WASHC4: variants seen among roughly 807,000 people sequenced by gnomAD.
The protein encoded by WASHC4 is WASH complex subunit 4.
In WASHC4, 86 loss-of-function variants were observed where a neutral mutation model predicts 166.6. The observed-to-expected ratio is 0.52, with a 90% CI of 0.43 to 0.62. The LOEUF is 0.62. Among genes scored for constraint, WASHC4 ranks in the 20% least tolerant of loss-of-function variants. WASHC4 has a pLI of 0.00. For missense variants in WASHC4, 1,262 were observed against 1,382.4 expected (o/e 0.91, Z 1.38); for synonymous variants, 446 against 451.6 (o/e 0.99, Z 0.16).
chr12:105,158,986 A>C (rs1336488155), intron 28 of WASHC4, among the ~76,000 whole-genome samples: 4 of 152,214 alleles, frequency 2.6e-5, no homozygotes, highest in African/African-American at 4.8e-5. Flanking sequence ...CATTTCTGTG[A>C]GAATAAGGCC....
chr12:105,115,746 T>G lies in WASHC4; in HGVS notation c.435+18T>G. On this transcript the variant is annotated intron_variant, in intron 6 of 32. Coordinates refer to ENST00000332180, the MANE Select transcript of WASHC4 (RefSeq NM_015275.3). ...TCTTACAGGTAACTGATTTTTACTT[T>G]CTACTGAGCTTTTACTTCAAAAAGT... 1 of 1,514,064 alleles carries G rather than the reference T, an allele frequency of 6.6e-7. No individual in the cohort carries two copies. The highest frequency in any genetic ancestry group is 9.2e-7 in the Non-Finnish European group (1 of 1,088,916). 93.8% of individuals were successfully genotyped at this position (1,514,064 alleles called of 1,614,324 possible). A position where few individuals can be genotyped will look rare whatever the true frequency, so the allele number is the denominator to read the frequency against.
At position 105,113,068 on chromosome 12, in the gene WASHC4, C is replaced by T. The variant is rs142770771; in HGVS notation, c.202-1148C>T. ...TCTTACTTTAAAAATCATCCCCCCC[C>T]AAATTTGTAATTGTCTCTTTTTGTT... On this transcript the variant is annotated intron_variant, in intron 2 of 32. Transcript: ENST00000332180. Among the ~76,000 whole-genome samples the T allele has an allele frequency of 1.1e-4, 17 of 152,184 alleles. No homozygotes were observed. In the East Asian group the frequency reaches 3.1e-3, roughly 28 times the overall value.
Position 105,126,362 on chromosome 12 carries a change from G to T in WASHC4, c.1038G>T (p.Lys346Asn). The change falls in exon 12 of 33, where the codon AAG (lysine) becomes AAT (asparagine). Residue 346 changes from lysine (K) to asparagine (N), a missense_variant and splice_region_variant. Lys to Asn is a moderately conservative substitution (Grantham distance 94). Coordinates refer to ENST00000332180, the MANE Select transcript of WASHC4 (RefSeq NM_015275.3). ...FYKSLLDICK[K>N]VPAITLTANI... Reference sequence around the variant, plus strand: ...AGTCTTTATTGGACATTTGTAAGAAGGTAAGAACTTGAAACTTATTTTTCA... The same window carrying T: ...AGTCTTTATTGGACATTTGTAAGAATGTAAGAACTTGAAACTTATTTTTCA... The T allele has an allele frequency of 6.4e-7, 1 of 1,568,104 alleles. No individual in the cohort carries two copies.
chr12:105,145,647 C>T (rs1883231480), intron 22 of WASHC4, among the ~76,000 whole-genome samples: 1 of 151,972 alleles, frequency 6.6e-6, no homozygotes, highest in Non-Finnish European at 1.5e-5. Flanking sequence ...TAAATAGTCC[C>T]AGCTCATGTA....
In WASHC4 at chr12:105,133,903, G is replaced by T; in HGVS notation, c.1326+7G>T. ...ATGTAATGTTTTTATACAGGTAGTT[G>T]CATCTTATTTCGGGGAATCATTTTT... is the stretch of plus-strand genomic sequence containing the variant. On this transcript the variant is annotated splice_region_variant and intron_variant, in intron 14 of 32. Coordinates refer to ENST00000332180, the MANE Select transcript of WASHC4 (RefSeq NM_015275.3). 1 of 1,609,924 alleles carries T rather than the reference G, an allele frequency of 6.2e-7. No individual in the cohort carries two copies. Among genetic ancestry groups the T allele is most frequent in the Non-Finnish European group, 8.5e-7 (1 of 1,177,630 alleles).
At position 105,141,268 on chromosome 12, in the gene WASHC4, T is replaced by C. The variant is rs759600782; in HGVS notation, c.1787+22T>C. ...AACGGTAAGTAGGACTGGGATATGC[T>C]GTGGTACTCCAAAGACAGGGTTAAT... is the stretch of plus-strand genomic sequence containing the variant. On this transcript the variant is annotated intron_variant, in intron 18 of 32. Transcript: ENST00000332180. The C allele has an allele frequency of 1.7e-5, 24 of 1,442,258 alleles. No homozygotes were observed. The Admixed American group carries it at 4.0e-4, about 24-fold the overall frequency. 89.3% of individuals were successfully genotyped at this position (1,442,258 alleles called of 1,614,324 possible).
At position 105,167,724 on chromosome 12, in the gene WASHC4, C is replaced by A. The variant is rs1414583777; in HGVS notation, c.*793C>A. 6.6e-6 allele frequency: 1 copy of A among 152,486 alleles called. No individual in the cohort carries two copies. Among genetic ancestry groups the A allele is most frequent in the Non-Finnish European group, 1.5e-5 (1 of 67,974 alleles). The allele number at this position is 152,486 out of a possible 1,614,324, so 9.4% of individuals were successfully genotyped here. Reference sequence around the variant, plus strand: ...AGAAAAAAAATTGAATGAATTATTTCTACATCCAAACTCAGGTTTCTTCTA... The same window carrying A: ...AGAAAAAAAATTGAATGAATTATTTATACATCCAAACTCAGGTTTCTTCTA... On this transcript the variant is annotated 3_prime_UTR_variant, in exon 33 of 33. Coordinates refer to ENST00000332180, the MANE Select transcript of WASHC4 (RefSeq NM_015275.3).
intron 13 of WASHC4, among the ~76,000 whole-genome samples, chr12:105,127,861 T>A (rs908487219): frequency 3.9e-5 from 6 of 152,228 alleles, no homozygotes; most frequent in African/African-American, 1.4e-4. Context: ...GTATACGTCC[T>A]TATTTTTTAT....
intron 26 of WASHC4, chr12:105,155,339 A>G (rs1884056752): frequency 6.6e-6 from 1 of 152,274 alleles, no homozygotes; most frequent in Admixed American, 6.5e-5. Flanking sequence ...AGCCACGTGC[A>G]TCTGGGGAAA....
At chr12:105,139,442 T>TATATATAC (rs1164056606) in intron 15 of WASHC4, among the ~76,000 whole-genome samples, 1 of 144,874 alleles carries the variant, frequency 6.9e-6, no homozygotes, top group Non-Finnish European at 1.5e-5. Flanking sequence ...TATATATATA[T>TATATATAC]ATATATATAT....
chr12:105,158,636 A>C (rs1162317208), intron 28 of WASHC4, among the ~76,000 whole-genome samples: 1 of 152,228 alleles, frequency 6.6e-6, no homozygotes, highest in Non-Finnish European at 1.5e-5. Context: ...ATAAGGAAAG[A>C]AACAGCTGTA....
chr12:105,157,069 A>T (rs1161997608), intron 27 of WASHC4, among the ~76,000 whole-genome samples, 167 bp from the exon 28 acceptor site: 1 of 152,232 alleles, frequency 6.6e-6, no homozygotes, highest in Non-Finnish European at 1.5e-5. Flanking sequence ...CATATCTAAA[A>T]TTCAATTTGG....
At chr12:105,137,833 A>T in intron 14 of WASHC4, 53 bp from the exon 15 acceptor site, 2 of 1,499,074 alleles carry the variant, frequency 1.3e-6, no homozygotes, top group Non-Finnish European at 9.2e-7. Flanking sequence ...ATAGATAATG[A>T]AATCTTGAAG....
At chr12:105,109,104 C>G (rs1421146506) in intron 1 of WASHC4, among the ~76,000 whole-genome samples, 4 of 152,136 alleles carry the variant, frequency 2.6e-5, no homozygotes, top group African/African-American at 7.2e-5. Context: ...CCATTGCACT[C>G]TAGCCTGGGT....
chr12:105,149,316 T>G (rs1883550419), intron 24 of WASHC4: 1 of 985,290 alleles, frequency 1.0e-6, no homozygotes. Context: ...GAGTCTTGAG[T>G]CTGGTTTTGT....
intron 13 of WASHC4, among the ~76,000 whole-genome samples, chr12:105,131,964 T>C (rs759718626): frequency 8.5e-5 from 13 of 152,188 alleles, no homozygotes; most frequent in Non-Finnish European, 1.3e-4. Context: ...TGCCCAGCAA[T>C]ATGGCTAGCT....
At chr12:105,161,349 A>G (rs1884483618) in intron 29 of WASHC4, among the ~76,000 whole-genome samples, 1 of 152,218 alleles carries the variant, frequency 6.6e-6, no homozygotes, top group Non-Finnish European at 1.5e-5. Flanking sequence ...AAATGTTCAT[A>G]TTCATCTTGT....
At chr12:105,115,854 A>C in intron 6 of WASHC4, 126 bp downstream of exon 6, 1 of 712,946 alleles carries the variant, frequency 1.4e-6, no homozygotes, top group Non-Finnish European at 2.6e-6. Context: ...ACACTTAATT[A>C]GCATTGGATT....
At chr12:105,108,393 C>T (rs368455555) in intron 1 of WASHC4, among the ~76,000 whole-genome samples, 6 of 152,196 alleles carry the variant, frequency 3.9e-5, no homozygotes, top group African/African-American at 7.2e-5. Context: ...AACTTTTCAC[C>T]CTGCGAAAAT....
Sources: gnomAD v4.1 joint callset for allele counts (sites outside exome capture counted in the v4.1 genomes callset) on GRCh38, gnomAD v4.1.1 for gene constraint, MANE v1.5 for transcripts, NCBI Gene and HGNC (gene_info 2026-07-23, HGNC 2026-07-21) for gene names.